Variants in LCN12 observed in about 807,000 individuals in gnomAD.
The protein encoded by LCN12 is epididymal-specific lipocalin-12.
In LCN12, 15 loss-of-function variants were observed where a neutral mutation model predicts 23.7. That is an observed-to-expected ratio of 0.63 (90% CI 0.42 to 0.97). LCN12 has a LOEUF of 0.97. LCN12 is among the 50% of genes least tolerant of loss of function. The pLI is 0.00. For synonymous variants in LCN12, 116 were observed against 111.5 expected, an observed-to-expected ratio of 1.04 and a Z score of -0.25; for missense variants, 219 against 249.6, an observed-to-expected ratio of 0.88 and a Z score of 0.83.
chr9:136,954,443 G>A (rs764966368), intron 5 of LCN12, 188 bp downstream of exon 5: 262 of 741,020 alleles, frequency 3.5e-4, no homozygotes, highest in Admixed American at 5.6e-4. Context: ...CTGCCGCCCC[G>A]GGTCCCCTGT....
rs1207270328 is a variant in LCN12 at position 136,953,880 on chromosome 9, G to A, written c.364G>A (p.Val122Met). 6.2e-7 allele frequency: 1 copy of A among 1,607,094 alleles called. No individual in the cohort carries two copies. The highest frequency in any genetic ancestry group is 8.5e-7 in the Non-Finnish European group (1 of 1,177,464). ...GGCGGACAGAGAGGAGACCCGGGTG[G>A]TGGACAGCGACTACACCCAGTTCGC... ...PGADREETRV[V>M]DSDYTQFALM... The change falls in exon 4 of 6, where the codon GTG becomes ATG. Residue 122 changes from valine (V) to methionine (M), a missense_variant. Physicochemically the swap from Val to Met is conservative, Grantham distance 21. Coordinates refer to ENST00000371633, the MANE Select transcript of LCN12 (RefSeq NM_178536.4).
In LCN12 at chr9:136,954,196, TCTGC is replaced by T; in HGVS notation, c.495_498del (p.Cys165TrpfsTer17). On this transcript the variant is annotated frameshift_variant, in exon 5 of 6. Transcript: ENST00000371633. LOFTEE classifies it high-confidence loss of function. ...CCTCCCGGGACGCTGGACCAGTTCA[TCTGC>T]CTGGGCAGAGCTCAGGGCCTCTCGG... 1 of 1,576,162 alleles carries T rather than the reference TCTGC, an allele frequency of 6.3e-7. No homozygotes were observed. Among genetic ancestry groups the T allele is most frequent in the Non-Finnish European group, 8.6e-7 (1 of 1,160,324 alleles).
At chr9:136,950,070 A>C (rs1038741789), upstream of LCN12, among the ~76,000 whole-genome samples, 15 of 151,848 alleles carry the variant, frequency 9.9e-5, no homozygotes, top group African/African-American at 3.4e-4. Context: ...CGCGTCCTGC[A>C]CGGCCCGTTC....
intron 2 of LCN12, 43 bp from the exon 3 acceptor site, chr9:136,953,657 C>G (rs1236911818): frequency 2.1e-6 from 3 of 1,457,346 alleles, no homozygotes; most frequent in Non-Finnish European, 2.8e-6. Flanking sequence ...CATGGACCTG[C>G]CAGCTTCCGG....
chr9:136,956,251 G>A (rs1403001150), downstream of LCN12, among the ~76,000 whole-genome samples: 3 of 152,180 alleles, frequency 2.0e-5, no homozygotes, highest in Non-Finnish European at 4.4e-5. Flanking sequence ...CTCTGGCCTT[G>A]CTAGAGAGTA....
rs1321841899 is a variant in LCN12 at position 136,954,242 on chromosome 9, C to T, written c.537C>T (p.Phe179=). 6.4e-7 allele frequency: 1 copy of T among 1,569,686 alleles called. No individual in the cohort carries two copies. Among genetic ancestry groups the T allele is most frequent in the East Asian group, 2.4e-5 (1 of 42,272 alleles). Residue 179 remains phenylalanine (F), a synonymous_variant, in exon 5 of 6, where the codon TTC becomes TTT. Coordinates refer to ENST00000371633, the MANE Select transcript of LCN12 (RefSeq NM_178536.4). ...AQGLSDDNIV[F]PDVTGWSPQA... ...GCCTCTCGGATGACAACATCGTCTT[C>T]CCAGATGTGACTGGTAACATGGTTC...
intron 1 of LCN12, 78 bp from the exon 2 acceptor site, chr9:136,952,810 CAGGG>C: frequency 2.6e-6 from 4 of 1,521,672 alleles, no homozygotes; most frequent in Non-Finnish European, 3.6e-6. Flanking sequence ...CAGAAGCTGC[CAGGG>C]AGGGCGGGAG....
upstream of LCN12, among the ~76,000 whole-genome samples, chr9:136,950,528 A>C (rs952919007): frequency 1.3e-5 from 2 of 152,106 alleles, no homozygotes; most frequent in African/African-American, 4.8e-5. Context: ...TGTCCTGTAC[A>C]TGGGCTGTGT....
At position 136,952,923 on chromosome 9, in the gene LCN12, C is replaced by CG. The variant is rs1399452498; in HGVS notation, c.149dup (p.Asn51GlnfsTer19). The CG allele has an allele frequency of 6.3e-7, 1 of 1,592,434 alleles. No individual in the cohort carries two copies. The highest frequency in any genetic ancestry group is 8.6e-7 in the Non-Finnish European group (1 of 1,168,314). On this transcript the variant is annotated frameshift_variant, in exon 2 of 6. Coordinates refer to ENST00000371633, the MANE Select transcript of LCN12 (RefSeq NM_178536.4). LOFTEE classifies it high-confidence loss of function. ...GGGGAATGGTTCGTCCTGGGCCTGGCGGGCAACAGCTTCAGGCCGGAGCAC... is the reference window on the plus strand; with the variant it reads ...GGGGAATGGTTCGTCCTGGGCCTGGCGGGGCAACAGCTTCAGGCCGGAGCAC...
chr9:136,953,325 G>A (rs1851214593), intron 2 of LCN12: 1 of 498,392 alleles, frequency 2.0e-6, no homozygotes, highest in Non-Finnish European at 3.6e-6. Flanking sequence ...GGACTTCAGG[G>A]GCCGGGCGCG....
At position 136,954,177 on chromosome 9, in the gene LCN12, G is replaced by T; in HGVS notation, c.472G>T (p.Gly158Trp). 3 of 1,567,524 alleles carry T rather than the reference G, an allele frequency of 1.9e-6. No individual in the cohort carries two copies. Among genetic ancestry groups the T allele is most frequent in the Non-Finnish European group, 2.6e-6 (3 of 1,155,382 alleles). The change falls in exon 5 of 6, where the codon GGG (glycine) becomes TGG (tryptophan). Residue 158 changes from glycine (G) to tryptophan (W), a missense_variant. Coordinates refer to ENST00000371633, the MANE Select transcript of LCN12 (RefSeq NM_178536.4). ...LLGRSWLLPP[G>W]TLDQFICLGR... ...AGGCAGGAGCTGGTTGCTGCCTCCC[G>T]GGACGCTGGACCAGTTCATCTGCCT...
upstream of LCN12, among the ~76,000 whole-genome samples, chr9:136,951,990 G>A (rs1192325891): frequency 6.6e-6 from 1 of 152,212 alleles, no homozygotes; most frequent in Non-Finnish European, 1.5e-5. Flanking sequence ...AGGCTGCGTG[G>A]GGCCTCTGAA....
At chr9:136,956,143 T>C (rs1277236389), downstream of LCN12, among the ~76,000 whole-genome samples, 1 of 152,002 alleles carries the variant, frequency 6.6e-6, no homozygotes, top group Non-Finnish European at 1.5e-5. Context: ...GAGCAACTCA[T>C]TTCTCAGCCC....
chr9:136,954,776 A>T (rs1292258256), intron 5 of LCN12: 1 of 1,290,742 alleles, frequency 7.7e-7, no homozygotes, highest in Non-Finnish European at 1.0e-6. Context: ...CAGCCTGACC[A>T]CTCAGACAGC....
In LCN12 at chr9:136,952,304, C is replaced by T. The variant is rs758375075; in HGVS notation, c.-24C>T. ...CCATGGCCACTTCCTTCTCTCTGTCCCTGTGGGCCCAGCAGCTGCCAGGAT... is the reference window on the plus strand; with the variant it reads ...CCATGGCCACTTCCTTCTCTCTGTCTCTGTGGGCCCAGCAGCTGCCAGGAT... On this transcript the variant is annotated 5_prime_UTR_variant, in exon 1 of 6. Transcript: ENST00000371633. The T allele has an allele frequency of 8.4e-6, 13 of 1,552,224 alleles. No individual in the cohort carries two copies. Among genetic ancestry groups the T allele is most frequent in the Admixed American group, 1.7e-5 (1 of 57,490 alleles).
intron 2 of LCN12, among the ~76,000 whole-genome samples, chr9:136,953,244 GGT>G (rs1851210423): frequency 1.3e-5 from 2 of 151,956 alleles, no homozygotes; most frequent in Admixed American, 6.5e-5. Flanking sequence ...TCGGGGGCCG[GGT>G]GCGCTGGCTC....
downstream of LCN12, chr9:136,955,520 A>G: frequency 9.0e-7 from 1 of 1,113,658 alleles, no homozygotes; most frequent in South Asian, 1.5e-5. Flanking sequence ...GACCACTATG[A>G]CCTTGGGTTG....
At chr9:136,952,866 G>A (rs774056506) in intron 1 of LCN12, 26 bp from the exon 2 acceptor site, 34 of 1,022,078 alleles carry the variant, frequency 3.3e-5, no homozygotes, top group African/African-American at 1.3e-4. Flanking sequence ...GCCCACCGCC[G>A]CCCCTGCCCA....
chr9:136,955,363 C>T lies in LCN12; in HGVS notation c.551-8C>T. 6.2e-7 allele frequency: 1 copy of T among 1,613,146 alleles called. No individual in the cohort carries two copies. Among genetic ancestry groups the T allele is most frequent in the Non-Finnish European group, 8.5e-7 (1 of 1,179,610 alleles). On this transcript the variant is annotated splice_polypyrimidine_tract_variant and splice_region_variant and intron_variant, in intron 5 of 5. Transcript: ENST00000371633. ...TGTCCTCCATCCCGACTCCATCTCC[C>T]CCACCAGGCTGGTCACCCCAGGCCA...
Sources: allele counts gnomAD v4.1 joint callset (sites outside exome capture counted in the v4.1 genomes callset), GRCh38; gene constraint gnomAD v4.1.1; transcripts MANE v1.5; gene names NCBI Gene and HGNC (gene_info 2026-07-23, HGNC 2026-07-21).